The following ZFAND3 variants were observed in gnomAD, a reference collection of about 807,000 sequenced individuals.
ZFAND3 encodes zinc finger AN1-type containing 3.
In ZFAND3, 10 loss-of-function variants were observed where a neutral mutation model predicts 29.6. The observed-to-expected ratio is 0.34, with a 90% CI of 0.21 to 0.57. The LOEUF (loss-of-function observed/expected upper bound fraction) is 0.57, where lower values mean the gene tolerates loss of function less well. Among genes scored for constraint, ZFAND3 ranks in the 20% least tolerant of loss-of-function variants. The pLI is 0.86. For synonymous variants in ZFAND3, 128 were observed against 112.6 expected, an observed-to-expected ratio of 1.14 and a Z score of -0.87; for missense variants, 230 against 304.5, an observed-to-expected ratio of 0.76 and a Z score of 1.82.
chr6:38,041,674 T>C (rs1301672062), intron 2 of ZFAND3, among the ~76,000 whole-genome samples: 40 of 24,524 alleles, frequency 1.6e-3, no homozygotes, highest in South Asian at 6.9e-3. Flanking sequence ...CTTCTTCTTC[T>C]TCTTCTTCTT....
chr6:38,075,798 C>CT (rs773106504), intron 3 of ZFAND3, among the ~76,000 whole-genome samples: 17 of 152,150 alleles, frequency 1.1e-4, no homozygotes, highest in Non-Finnish European at 2.5e-4. Flanking sequence ...GTCGCCCAGC[C>CT]TGGAGTGCAG....
At chr6:38,013,845 G>A (rs886826772) in intron 2 of ZFAND3, among the ~76,000 whole-genome samples, 2 of 152,138 alleles carry the variant, frequency 1.3e-5, no homozygotes, top group African/African-American at 4.8e-5. Context: ...CATGTTATTT[G>A]GATGTTCAGC....
chr6:38,144,171 GATATATATATATAATATATATATATAT>G (rs1467661666), intron 5 of ZFAND3, among the ~76,000 whole-genome samples: 43 of 87,320 alleles, frequency 4.9e-4, no homozygotes, highest in South Asian at 3.6e-3. Context: ...AGAAAAATGT[GATATATATATATAATATATATATATAT>G]ATATATATAT....
At chr6:38,042,680 T>C (rs1496579) in intron 2 of ZFAND3, among the ~76,000 whole-genome samples, 145,060 of 152,284 alleles carry the variant, frequency 0.95, 69,415 homozygotes, top group East Asian at 1. Flanking sequence ...AAGAAACATA[T>C]GCAAGAAAGG....
chr6:38,018,223 A>G (rs1193712916), intron 2 of ZFAND3, among the ~76,000 whole-genome samples: 1 of 152,208 alleles, frequency 6.6e-6, no homozygotes, highest in East Asian at 1.9e-4. Context: ...CACTGATACT[A>G]CACATTCCTT....
At chr6:37,939,297 A>G (rs1000967259) in intron 2 of ZFAND3, among the ~76,000 whole-genome samples, 4 of 152,110 alleles carry the variant, frequency 2.6e-5, no homozygotes, top group African/African-American at 9.7e-5. Context: ...TGGCTTGTCA[A>G]TAGTTCTTGG....
chr6:38,029,574 C>T (rs11753388), intron 2 of ZFAND3, among the ~76,000 whole-genome samples: 10,362 of 152,194 alleles, frequency 0.068, 422 homozygotes, highest in Non-Finnish European at 0.087. Flanking sequence ...AGTATGGACA[C>T]ATAGCCAAAA....
At chr6:38,067,548 A>G (rs1320607137) in intron 3 of ZFAND3, among the ~76,000 whole-genome samples, 1 of 152,228 alleles carries the variant, frequency 6.6e-6, no homozygotes, top group African/African-American at 2.4e-5. Flanking sequence ...GTGTTGGACA[A>G]ACTCTTAAAA....
At chr6:37,893,497 G>T (rs868194788) in intron 1 of ZFAND3, among the ~76,000 whole-genome samples, 1 of 152,066 alleles carries the variant, frequency 6.6e-6, no homozygotes, top group Non-Finnish European at 1.5e-5. Context: ...TATCTTTAAC[G>T]TATGACAGTC....
chr6:38,080,164 G>A (rs1764633471), intron 3 of ZFAND3, among the ~76,000 whole-genome samples: 1 of 151,962 alleles, frequency 6.6e-6, no homozygotes, highest in Non-Finnish European at 1.5e-5. Flanking sequence ...CGGAGGGTGG[G>A]GGTCTAGGGG....
At chr6:37,869,947 C>T (rs1764662472) in intron 1 of ZFAND3, among the ~76,000 whole-genome samples, 1 of 150,256 alleles carries the variant, frequency 6.7e-6, no homozygotes, top group South Asian at 2.1e-4. Flanking sequence ...TGGTCTTTTT[C>T]TAGTGTCTTG....
chr6:37,932,107 A>G (rs1365018201), intron 2 of ZFAND3, among the ~76,000 whole-genome samples: 1 of 152,104 alleles, frequency 6.6e-6, no homozygotes, highest in Non-Finnish European at 1.5e-5. Context: ...CGTCTCTACT[A>G]AAAACACAAA....
At chr6:37,963,585 A>C (rs1762237945) in intron 2 of ZFAND3, among the ~76,000 whole-genome samples, 1 of 152,124 alleles carries the variant, frequency 6.6e-6, no homozygotes, top group African/African-American at 2.4e-5. Flanking sequence ...ACCTTTAGCC[A>C]GACTAAGAAA....
intron 2 of ZFAND3, among the ~76,000 whole-genome samples, chr6:37,961,426 G>A (rs918288459): frequency 2.6e-5 from 4 of 152,244 alleles, no homozygotes; most frequent in African/African-American, 9.6e-5. Context: ...TCCTGGGGGA[G>A]CTTGCTGCCC....
intron 5 of ZFAND3, among the ~76,000 whole-genome samples, chr6:38,148,264 C>G (rs531565742): frequency 6.6e-6 from 1 of 152,264 alleles, no homozygotes; most frequent in South Asian, 2.1e-4. Context: ...GATCAGCCGG[C>G]TGTGAATATA....
At chr6:38,111,384 A>G (rs1765313076) in intron 4 of ZFAND3, among the ~76,000 whole-genome samples, 1 of 152,214 alleles carries the variant, frequency 6.6e-6, no homozygotes, top group Non-Finnish European at 1.5e-5. Flanking sequence ...CATAGTGTTT[A>G]TATTGTATTA....
chr6:38,070,616 C>T (rs1764433573), intron 3 of ZFAND3, among the ~76,000 whole-genome samples: 1 of 151,976 alleles, frequency 6.6e-6, no homozygotes, highest in African/African-American at 2.4e-5. Flanking sequence ...TTTAATATTT[C>T]ACTATTATGA....
At chr6:37,876,257 A>G (rs931337309) in intron 1 of ZFAND3, among the ~76,000 whole-genome samples, 5 of 152,176 alleles carry the variant, frequency 3.3e-5, no homozygotes, top group African/African-American at 1.2e-4. Context: ...CATTTCTTTG[A>G]CAACTTTTAG....
intron 2 of ZFAND3, among the ~76,000 whole-genome samples, chr6:37,965,238 C>T (rs2127426147): frequency 6.6e-6 from 1 of 152,228 alleles, no homozygotes; most frequent in South Asian, 2.1e-4. Flanking sequence ...AATTTCTCTA[C>T]TTACTTTGTT....
Sources: gnomAD v4.1 joint callset for allele counts (sites outside exome capture counted in the v4.1 genomes callset) on GRCh38, gnomAD v4.1.1 for gene constraint, MANE v1.5 for transcripts, NCBI Gene and HGNC (gene_info 2026-07-23, HGNC 2026-07-21) for gene names.